The following HHIP variants were observed in gnomAD, a reference collection of about 807,000 sequenced individuals.
The protein encoded by HHIP is hedgehog-interacting protein.
HHIP carries 12 observed loss-of-function variants against 74.0 expected under a neutral mutation model. The observed-to-expected ratio is 0.16, with a 90% CI of 0.10 to 0.26. The LOEUF is 0.26. HHIP is among the 10% of genes least tolerant of loss of function. The probability of loss-of-function intolerance (pLI) is 1.00; values close to 1 mark genes in which losing one functional copy is unlikely to be tolerated. For synonymous variants in HHIP, 309 were observed against 311.6 expected, an observed-to-expected ratio of 0.99 and a Z score of 0.09; for missense variants, 788 against 845.0, an observed-to-expected ratio of 0.93 and a Z score of 0.84.
At chr4:144,688,484 T>C (rs1213343260) in intron 4 of HHIP, among the ~76,000 whole-genome samples, 2 of 152,112 alleles carry the variant, frequency 1.3e-5, no homozygotes, top group African/African-American at 4.8e-5. Context: ...CAAGATAAGA[T>C]TTTCCTATCT....
At chr4:144,648,777 G>A (rs1728341392) in intron 1 of HHIP, 1 of 152,184 alleles carries the variant, frequency 6.6e-6, no homozygotes, top group Non-Finnish European at 1.5e-5. Context: ...GGGGAAGGGG[G>A]ATGGGACCAA....
At position 144,741,853 on chromosome 4, in the gene HHIP, G is replaced by A. The variant is rs917671196; in HGVS notation, c.*3896G>A. The A allele has an allele frequency of 3.9e-5, 6 of 151,976 alleles. No individual in the cohort carries two copies. The highest frequency in any genetic ancestry group is 3.3e-4 in the Admixed American group (5 of 15,246). 9.4% of individuals were successfully genotyped at this position (151,976 alleles called of 1,614,324 possible). Reference sequence around the variant, plus strand: ...CTTTGAAACATAAAAGAGAAATCAAGCCCAAATTTTTAGAGGAAGGCTAAG... The same window carrying A: ...CTTTGAAACATAAAAGAGAAATCAAACCCAAATTTTTAGAGGAAGGCTAAG... On this transcript the variant is annotated 3_prime_UTR_variant, in exon 13 of 13. Transcript: ENST00000296575.
intron 11 of HHIP, among the ~76,000 whole-genome samples, chr4:144,723,288 G>C (rs1730689604): frequency 6.6e-6 from 1 of 152,062 alleles, no homozygotes; most frequent in Non-Finnish European, 1.5e-5. Flanking sequence ...TTACATACAT[G>C]TTGTATCCCC....
chr4:144,655,663 C>T (rs1728539765), intron 2 of HHIP, among the ~76,000 whole-genome samples: 2 of 151,980 alleles, frequency 1.3e-5, no homozygotes, highest in Admixed American at 6.6e-5. Flanking sequence ...GGAGAGTAAA[C>T]CAGAAGGAAT....
intron 4 of HHIP, among the ~76,000 whole-genome samples, chr4:144,674,335 T>A (rs1171981836): frequency 6.6e-6 from 1 of 152,244 alleles, no homozygotes; most frequent in East Asian, 1.9e-4. Flanking sequence ...CTCTGCTTAA[T>A]GTTAAACTCA....
At position 144,647,446 on chromosome 4, in the gene HHIP, G is replaced by C. The variant is rs574807895; in HGVS notation, c.279+492G>C. Among the ~76,000 whole-genome samples the C allele has an allele frequency of 7.2e-5, 11 of 152,302 alleles. No individual in the cohort carries two copies. In the East Asian group the frequency reaches 1.4e-3, roughly 19 times the overall value. ...TTATGATCCCCAGCCCCGTCAGAGG[G>C]GGGTGTCTTGCATTACATTAGTTAA... On this transcript the variant is annotated intron_variant, in intron 1 of 12. Coordinates refer to ENST00000296575, the MANE Select transcript of HHIP (RefSeq NM_022475.3).
At chr4:144,725,344 A>G (rs1229131780) in intron 11 of HHIP, among the ~76,000 whole-genome samples, 1 of 152,232 alleles carries the variant, frequency 6.6e-6, no homozygotes, top group African/African-American at 2.4e-5. Flanking sequence ...TGAATGATAT[A>G]TGAACATCAA....
At chr4:144,656,485 G>A (rs918327181) in intron 2 of HHIP, among the ~76,000 whole-genome samples, 32 of 152,036 alleles carry the variant, frequency 2.1e-4, no homozygotes, top group African/African-American at 7.2e-4. Flanking sequence ...AATTGGAATT[G>A]ACCACCAGCA....
rs556691492 is a variant in HHIP, at chr4:144,692,987, A to G, written c.832-13544A>G. Among the ~76,000 whole-genome samples, 5 of 152,258 alleles carry G rather than the reference A, an allele frequency of 3.3e-5. No individual in the cohort carries two copies. In the East Asian group the frequency reaches 7.7e-4, roughly 24 times the overall value. Reference sequence around the variant, plus strand: ...GAATAGGAATCTGACACATGAGGACATGGAAGCAACTGGCATACCACATCT... The same window carrying G: ...GAATAGGAATCTGACACATGAGGACGTGGAAGCAACTGGCATACCACATCT... On this transcript the variant is annotated intron_variant, in intron 4 of 12. Coordinates refer to ENST00000296575, the MANE Select transcript of HHIP (RefSeq NM_022475.3).
chr4:144,683,937 T>C (rs1578697192), intron 4 of HHIP, among the ~76,000 whole-genome samples: 1 of 152,052 alleles, frequency 6.6e-6, no homozygotes, highest in East Asian at 1.9e-4. Flanking sequence ...GAAGACCTCC[T>C]GTAGTCTCTC....
In HHIP at chr4:144,742,998, A is replaced by AT. The variant is rs1407243219; in HGVS notation, c.*5041_*5042insT. 4.3e-3 allele frequency: 3 copies of AT among 694 alleles called. No homozygotes were observed. Among genetic ancestry groups the AT allele is most frequent in the Non-Finnish European group, 6.8e-3 (1 of 146 alleles). The allele number at this position is 694 out of a possible 1,614,324, so 0.0% of individuals were successfully genotyped here. A position where few individuals can be genotyped will look rare whatever the true frequency, so the allele number is the denominator to read the frequency against. On this transcript the variant is annotated 3_prime_UTR_variant, in exon 13 of 13. Coordinates refer to ENST00000296575, the MANE Select transcript of HHIP (RefSeq NM_022475.3). ...ATATATATATACATTATATATATAT[A>AT]ATATATATATATTATATATATATAA...
chr4:144,662,793 A>G (rs1300821439), intron 4 of HHIP, among the ~76,000 whole-genome samples: 2 of 152,208 alleles, frequency 1.3e-5, no homozygotes, highest in Non-Finnish European at 2.9e-5. Context: ...TACTATCTCC[A>G]GAAAGAAACA....
At chr4:144,701,326 T>C (rs994245709) in intron 4 of HHIP, among the ~76,000 whole-genome samples, 1 of 150,130 alleles carries the variant, frequency 6.7e-6, no homozygotes, top group Non-Finnish European at 1.5e-5. Flanking sequence ...TTTTTTTCTT[T>C]TTTTTTTTTT....
intron 4 of HHIP, among the ~76,000 whole-genome samples, chr4:144,703,549 G>A (rs1198618257): frequency 6.6e-6 from 1 of 152,140 alleles, no homozygotes; most frequent in African/African-American, 2.4e-5. Flanking sequence ...TTTTTCTACT[G>A]AGCCTCTAAA....
intron 4 of HHIP, among the ~76,000 whole-genome samples, chr4:144,668,122 G>A (rs1057180552): frequency 6.6e-6 from 1 of 151,426 alleles, no homozygotes; most frequent in South Asian, 2.1e-4. Context: ...TTCAAGACCA[G>A]CCTGGCCGAC....
chr4:144,674,712 C>A (rs1264267831), intron 4 of HHIP, among the ~76,000 whole-genome samples: 1 of 152,158 alleles, frequency 6.6e-6, no homozygotes, highest in African/African-American at 2.4e-5. Context: ...AACCACCACA[C>A]ACAAAGAATT....
intron 10 of HHIP, 51 bp downstream of exon 10, chr4:144,715,481 G>A: frequency 6.4e-7 from 1 of 1,569,918 alleles, no homozygotes; most frequent in Non-Finnish European, 8.7e-7. Flanking sequence ...CCTTTTTCAA[G>A]AGGCTTTGTT....
chr4:144,694,974 T>C (rs896391272), intron 4 of HHIP, among the ~76,000 whole-genome samples: 6 of 151,838 alleles, frequency 4.0e-5, no homozygotes, highest in African/African-American at 1.4e-4. Context: ...ACTAATAAAA[T>C]ATGAAAATGC....
At chr4:144,690,206 C>T (rs2126633208) in intron 4 of HHIP, among the ~76,000 whole-genome samples, 2 of 152,154 alleles carry the variant, frequency 1.3e-5, no homozygotes, top group Middle Eastern at 6.8e-3. Context: ...TACTATTAAC[C>T]CACACACTGA....
Sources: gnomAD v4.1 joint callset for allele counts (sites outside exome capture counted in the v4.1 genomes callset) on GRCh38, gnomAD v4.1.1 for gene constraint, MANE v1.5 for transcripts, NCBI Gene and HGNC (gene_info 2026-07-23, HGNC 2026-07-21) for gene names.